The following TMEM163 variants were observed in gnomAD, a reference collection of about 807,000 sequenced individuals.
TMEM163 encodes the protein transmembrane protein 163.
A neutral mutation model predicts 29.3 loss-of-function variants in TMEM163; 17 were observed. The ratio of observed to expected loss-of-function variants is 0.58; its 90% CI spans 0.40 to 0.87. The LOEUF (loss-of-function observed/expected upper bound fraction) is 0.87, where lower values mean the gene tolerates loss of function less well. Ranked by LOEUF, TMEM163 falls within the 40% of genes least tolerant of loss-of-function variation. The pLI, the probability that TMEM163 is intolerant of heterozygous loss-of-function variation, is 0.00. For missense variants in TMEM163, 303 were observed against 381.5 expected (o/e 0.79, Z 1.71); for synonymous variants, 157 against 160.6 (o/e 0.98, Z 0.17).
Position 134,535,074 on chromosome 2 carries a change from C to T in TMEM163, c.458+15496G>A, listed in dbSNP as rs187012590. Among the ~76,000 whole-genome samples, 555 of 152,320 alleles carry T rather than the reference C, an allele frequency of 3.6e-3. 3 individuals are homozygous for T. Among genetic ancestry groups the T allele is most frequent in the Middle Eastern group, 0.02 (6 of 294 alleles). ...TTGGAAAAGTACTCAATTTCAGATT[C>T]TAACACATGTCCTCATATTCTGGAA... On this transcript the variant is annotated intron_variant, in intron 4 of 7. Transcript: ENST00000281924.
intron 4 of TMEM163, among the ~76,000 whole-genome samples, chr2:134,535,738 T>C (rs922451621): frequency 6.6e-6 from 1 of 150,970 alleles, no homozygotes; most frequent in African/African-American, 2.4e-5. Flanking sequence ...TGTTTGTTTG[T>C]TTTTTTTGAG....
intron 4 of TMEM163, among the ~76,000 whole-genome samples, chr2:134,519,775 G>T (rs1246585195): frequency 6.7e-6 from 1 of 150,230 alleles, no homozygotes; most frequent in Non-Finnish European, 1.5e-5. Context: ...CCTGGAGTCC[G>T]ACTACTCGAG....
intron 4 of TMEM163, among the ~76,000 whole-genome samples, chr2:134,547,932 T>A (rs1402658652): frequency 6.6e-6 from 1 of 152,166 alleles, no homozygotes; most frequent in East Asian, 1.9e-4. Flanking sequence ...TTCACACAGA[T>A]CCCAACGCTA....
intron 4 of TMEM163, among the ~76,000 whole-genome samples, chr2:134,544,847 A>C (rs1680745539): frequency 6.6e-6 from 1 of 152,164 alleles, no homozygotes; most frequent in African/African-American, 2.4e-5. Context: ...CCATATACCA[A>C]GTACCCAATG....
At chr2:134,669,107 G>A (rs1341560914) in intron 2 of TMEM163, among the ~76,000 whole-genome samples, 1 of 152,206 alleles carries the variant, frequency 6.6e-6, no homozygotes, top group African/African-American at 2.4e-5. Context: ...CAAAGAACAG[G>A]AGGGGCCATG....
chr2:134,656,514 C>T (rs547673667), intron 2 of TMEM163, among the ~76,000 whole-genome samples: 20 of 152,334 alleles, frequency 1.3e-4, no homozygotes, highest in South Asian at 2.1e-4. Context: ...TCTTCTGCGT[C>T]GCTCACGCTG....
intron 5 of TMEM163, among the ~76,000 whole-genome samples, chr2:134,491,733 C>A (rs1199788800): frequency 2.6e-5 from 4 of 152,168 alleles, no homozygotes; most frequent in African/African-American, 9.7e-5. Context: ...AATGAGATAT[C>A]AAGCTAAAAA....
chr2:134,641,691 CA>C (rs1683223431), intron 2 of TMEM163, among the ~76,000 whole-genome samples: 1 of 151,672 alleles, frequency 6.6e-6, no homozygotes, highest in Non-Finnish European at 1.5e-5. Flanking sequence ...GACAAAGAAA[CA>C]AAAAATAGAT....
chr2:134,515,932 C>G (rs1199578941), intron 4 of TMEM163, among the ~76,000 whole-genome samples: 1 of 152,160 alleles, frequency 6.6e-6, no homozygotes, highest in African/African-American at 2.4e-5. Context: ...TGCATCTTCA[C>G]AAGACATGAA....
At chr2:134,465,198 A>AAAAC (rs1553471769) in intron 6 of TMEM163, among the ~76,000 whole-genome samples, 1 of 144,400 alleles carries the variant, frequency 6.9e-6, no homozygotes, top group East Asian at 2.2e-4. Context: ...TTAAAAAAAA[A>AAAAC]AAAAACAAAA....
intron 2 of TMEM163, among the ~76,000 whole-genome samples, chr2:134,604,948 G>T (rs1682318315): frequency 6.6e-6 from 1 of 152,164 alleles, no homozygotes; most frequent in Non-Finnish European, 1.5e-5. Context: ...GGGAGGCTGA[G>T]GCAGGCAGAT....
chr2:134,524,595 A>G (rs1680253477), intron 4 of TMEM163, among the ~76,000 whole-genome samples: 1 of 149,234 alleles, frequency 6.7e-6, no homozygotes, highest in African/African-American at 2.5e-5. Flanking sequence ...CTCACTGTTC[A>G]GCTCCCACTT....
At chr2:134,645,332 G>A (rs1479749522) in intron 2 of TMEM163, among the ~76,000 whole-genome samples, 2 of 152,156 alleles carry the variant, frequency 1.3e-5, no homozygotes, top group Non-Finnish European at 2.9e-5. Flanking sequence ...ACTGTGCCCA[G>A]GTCCTTTTCA....
chr2:134,672,832 T>C (rs1227931404), intron 2 of TMEM163, among the ~76,000 whole-genome samples: 1 of 152,098 alleles, frequency 6.6e-6, no homozygotes, highest in Non-Finnish European at 1.5e-5. Flanking sequence ...CCAAGTTCCA[T>C]CAATTCTACC....
intron 4 of TMEM163, among the ~76,000 whole-genome samples, chr2:134,510,283 G>A (rs887433697): frequency 1.3e-5 from 2 of 152,186 alleles, no homozygotes; most frequent in Non-Finnish European, 2.9e-5. Flanking sequence ...TAAAAGGATA[G>A]GATAGCTAGT....
chr2:134,675,448 C>G (rs1176010009), intron 2 of TMEM163, among the ~76,000 whole-genome samples: 1 of 152,160 alleles, frequency 6.6e-6, no homozygotes, highest in African/African-American at 2.4e-5. Flanking sequence ...GCCTGACCAT[C>G]TAATGACTAA....
intron 6 of TMEM163, chr2:134,458,382 A>C: frequency 1.7e-6 from 1 of 582,336 alleles, no homozygotes; most frequent in East Asian, 2.9e-5. Flanking sequence ...CACCCCCACC[A>C]TCATTCTGTA....
intron 2 of TMEM163, among the ~76,000 whole-genome samples, chr2:134,588,982 G>C (rs1681881401): frequency 6.6e-6 from 1 of 152,130 alleles, no homozygotes; most frequent in Non-Finnish European, 1.5e-5. Context: ...AGAGGGAATA[G>C]GCGATACCCC....
At chr2:134,615,623 G>GCCA (rs1246741198) in intron 2 of TMEM163, among the ~76,000 whole-genome samples, 1 of 148,676 alleles carries the variant, frequency 6.7e-6, no homozygotes, top group Non-Finnish European at 1.5e-5. Context: ...CTTGATCTGT[G>GCCA]CCAGATCAGC....
Sources: gnomAD v4.1 joint callset for allele counts (sites outside exome capture counted in the v4.1 genomes callset) on GRCh38, gnomAD v4.1.1 for gene constraint, MANE v1.5 for transcripts, NCBI Gene and HGNC (gene_info 2026-07-23, HGNC 2026-07-21) for gene names.